The following EPHA3 variants were observed in gnomAD, a reference collection of about 807,000 sequenced individuals.
EPHA3 encodes the protein ephrin type-A receptor 3.
A neutral mutation model predicts 107.1 loss-of-function variants in EPHA3; 42 were observed. That is an observed-to-expected ratio of 0.39 (90% CI 0.31 to 0.51). The LOEUF (loss-of-function observed/expected upper bound fraction) is 0.51, where lower values mean the gene tolerates loss of function less well. EPHA3 is among the 20% of genes least tolerant of loss of function. The probability of loss-of-function intolerance (pLI) is 0.78; values close to 1 mark genes in which losing one functional copy is unlikely to be tolerated. For missense variants in EPHA3, 1,183 were observed against 1,211.2 expected, an observed-to-expected ratio of 0.98 and a Z score of 0.35; for synonymous variants, 461 against 424.8, an observed-to-expected ratio of 1.09 and a Z score of -1.05.
At chr3:89,367,375 T>G (rs1708204986) in intron 5 of EPHA3, among the ~76,000 whole-genome samples, 1 of 150,592 alleles carries the variant, frequency 6.6e-6, no homozygotes. Context: ...TGAGCTGGCC[T>G]CCCGTGTACC....
At chr3:89,369,047 T>C (rs1708240190) in intron 5 of EPHA3, among the ~76,000 whole-genome samples, 1 of 150,560 alleles carries the variant, frequency 6.6e-6, no homozygotes, top group Non-Finnish European at 1.5e-5. Context: ...TTCTTAGTCA[T>C]CGTTTTCTCT....
At chr3:89,206,661 T>A (rs1333712550) in intron 2 of EPHA3, among the ~76,000 whole-genome samples, 3 of 152,176 alleles carry the variant, frequency 2.0e-5, no homozygotes, top group Non-Finnish European at 4.4e-5. Context: ...ACTGTTTTTT[T>A]ATATTCAACA....
chr3:89,370,004 A>G (rs1708262659), intron 5 of EPHA3, among the ~76,000 whole-genome samples: 1 of 150,588 alleles, frequency 6.6e-6, no homozygotes, highest in African/African-American at 2.5e-5. Context: ...AAGTCAGGAA[A>G]CAGCAGGTGC....
intron 13 of EPHA3, among the ~76,000 whole-genome samples, chr3:89,442,051 C>G (rs1331020378): frequency 6.6e-6 from 1 of 151,812 alleles, no homozygotes; most frequent in African/African-American, 2.4e-5. Context: ...GTTACTTATA[C>G]CTCCATTTAA....
chr3:89,293,566 C>T (rs1254901164), intron 3 of EPHA3, among the ~76,000 whole-genome samples: 1 of 152,110 alleles, frequency 6.6e-6, no homozygotes, highest in African/African-American at 2.4e-5. Context: ...AGGGGACGAA[C>T]TTGGTGGGAG....
chr3:89,358,719 T>C (rs946469840), intron 5 of EPHA3, among the ~76,000 whole-genome samples: 1 of 151,178 alleles, frequency 6.6e-6, no homozygotes, highest in Non-Finnish European at 1.5e-5. Flanking sequence ...TTTATCTTTT[T>C]TTCATTACTA....
chr3:89,155,142 A>T (rs1291848178), intron 2 of EPHA3, among the ~76,000 whole-genome samples: 1 of 151,716 alleles, frequency 6.6e-6, no homozygotes, highest in African/African-American at 2.4e-5. Context: ...GGCATTATGG[A>T]GTTAATAGAC....
At chr3:89,363,535 C>T (rs1421420877) in intron 5 of EPHA3, among the ~76,000 whole-genome samples, 4 of 150,862 alleles carry the variant, frequency 2.7e-5, no homozygotes, top group African/African-American at 9.7e-5. Flanking sequence ...ATCTGCTTTA[C>T]TCAAAAGTGT....
At chr3:89,191,098 A>G (rs1288909914) in intron 2 of EPHA3, among the ~76,000 whole-genome samples, 2 of 152,118 alleles carry the variant, frequency 1.3e-5, no homozygotes, top group East Asian at 3.9e-4. Context: ...TCATTGGTGT[A>G]GTAAACATTG....
At chr3:89,309,533 A>G (rs1212218432) in intron 3 of EPHA3, among the ~76,000 whole-genome samples, 1 of 152,078 alleles carries the variant, frequency 6.6e-6, no homozygotes, top group Non-Finnish European at 1.5e-5. Flanking sequence ...TGCACTTTCA[A>G]CTTCCTGCCA....
At chr3:89,244,014 T>C (rs562063110) in intron 3 of EPHA3, among the ~76,000 whole-genome samples, 29 of 152,310 alleles carry the variant, frequency 1.9e-4, no homozygotes, top group Middle Eastern at 6.8e-3. Flanking sequence ...ACAATACTTA[T>C]ATTTATAATT....
At chr3:89,283,484 T>A (rs1014672993) in intron 3 of EPHA3, among the ~76,000 whole-genome samples, 3 of 152,144 alleles carry the variant, frequency 2.0e-5, no homozygotes, top group African/African-American at 7.2e-5. Flanking sequence ...AACTTCTGGC[T>A]AATTTTCTGA....
At chr3:89,193,307 T>C (rs1401497811) in intron 2 of EPHA3, among the ~76,000 whole-genome samples, 3 of 152,058 alleles carry the variant, frequency 2.0e-5, no homozygotes, top group Admixed American at 1.3e-4. Flanking sequence ...ATTGCTCTGA[T>C]AAGCTACAAG....
At chr3:89,345,236 G>A (rs977559907) in intron 5 of EPHA3, among the ~76,000 whole-genome samples, 4 of 151,152 alleles carry the variant, frequency 2.6e-5, no homozygotes, top group Non-Finnish European at 5.9e-5. Context: ...TTGGGGTTTG[G>A]AGGTCCACCT....
intron 5 of EPHA3, among the ~76,000 whole-genome samples, chr3:89,387,538 G>A (rs991470408): frequency 1.2e-4 from 18 of 152,050 alleles, no homozygotes; most frequent in East Asian, 3.9e-4. Flanking sequence ...TTATAGCAGC[G>A]TGAGAATGAA....
intron 15 of EPHA3, among the ~76,000 whole-genome samples, chr3:89,454,120 G>A (rs1276784154): frequency 1.3e-5 from 2 of 152,098 alleles, no homozygotes; most frequent in Admixed American, 6.6e-5. Context: ...AGAGAATGGA[G>A]TTTGGATGTT....
At chr3:89,132,126 C>G (rs1445548066) in intron 2 of EPHA3, among the ~76,000 whole-genome samples, 4 of 152,022 alleles carry the variant, frequency 2.6e-5, no homozygotes, top group African/African-American at 9.7e-5. Flanking sequence ...AGGGAGAGAC[C>G]CATCATTTCC....
At chr3:89,183,299 A>G (rs9815137) in intron 2 of EPHA3, among the ~76,000 whole-genome samples, 143,876 of 151,938 alleles carry the variant, frequency 0.95, 68,201 homozygotes, top group Admixed American at 0.97. Flanking sequence ...ATCTCTTCCC[A>G]CTGTCTCACA....
At chr3:89,386,089 C>T (rs978254059) in intron 5 of EPHA3, among the ~76,000 whole-genome samples, 2 of 152,034 alleles carry the variant, frequency 1.3e-5, no homozygotes, top group Non-Finnish European at 2.9e-5. Context: ...GCACAACATT[C>T]AAGAGGAAGC....
Sources: gnomAD v4.1 joint callset for allele counts (sites outside exome capture counted in the v4.1 genomes callset) on GRCh38, gnomAD v4.1.1 for gene constraint, MANE v1.5 for transcripts, NCBI Gene and HGNC (gene_info 2026-07-23, HGNC 2026-07-21) for gene names.